The following XYLT1 variants were observed in gnomAD, a reference collection of about 807,000 sequenced individuals.
The protein encoded by XYLT1 is xylosyltransferase 1, also known as beta-D-xylosyltransferase 1.
XYLT1 carries 36 observed loss-of-function variants against 91.3 expected under a neutral mutation model. The observed-to-expected ratio is 0.39, with a 90% CI of 0.30 to 0.52. The LOEUF (loss-of-function observed/expected upper bound fraction) is 0.52. XYLT1 is among the 20% of genes least tolerant of loss of function. The probability of loss-of-function intolerance (pLI) is 0.68; values close to 1 mark genes in which losing one functional copy is unlikely to be tolerated. For synonymous variants in XYLT1, 588 were observed against 532.0 expected, an observed-to-expected ratio of 1.11 and a Z score of -1.45; for missense variants, 1,242 against 1,284.5, an observed-to-expected ratio of 0.97 and a Z score of 0.51.
intron 6 of XYLT1, among the ~76,000 whole-genome samples, chr16:17,153,265 C>T (rs1449442574): frequency 2.6e-5 from 4 of 152,166 alleles, no homozygotes; most frequent in African/African-American, 9.7e-5. Context: ...AAAACTGATA[C>T]ACAGGTAACT....
intron 1 of XYLT1, among the ~76,000 whole-genome samples, chr16:17,436,556 C>A (rs1486931225): frequency 6.6e-6 from 1 of 152,184 alleles, no homozygotes; most frequent in African/African-American, 2.4e-5. Flanking sequence ...CTACTGCAAT[C>A]ACATTCAGCT....
chr16:17,204,751 G>A (rs2032609484), intron 3 of XYLT1, among the ~76,000 whole-genome samples: 1 of 152,172 alleles, frequency 6.6e-6, no homozygotes, highest in African/African-American at 2.4e-5. Context: ...TAGCTGAGCT[G>A]AGAATGGAGT....
chr16:17,129,807 T>C (rs2030403832), intron 9 of XYLT1, among the ~76,000 whole-genome samples: 1 of 152,182 alleles, frequency 6.6e-6, no homozygotes, highest in African/African-American at 2.4e-5. Flanking sequence ...ACAGCAAAGA[T>C]AGTCATGAAA....
intron 1 of XYLT1, 21 bp from the exon 2 acceptor site, chr16:17,358,071 A>AG: frequency 6.2e-7 from 1 of 1,612,386 alleles, no homozygotes; most frequent in Non-Finnish European, 8.5e-7. Context: ...AAAGGAGAAA[A>AG]TGCACGTGAG....
intron 3 of XYLT1, among the ~76,000 whole-genome samples, chr16:17,236,758 A>G (rs909487203): frequency 6.6e-6 from 1 of 152,130 alleles, no homozygotes; most frequent in Non-Finnish European, 1.5e-5. Context: ...ACCTGTCTTT[A>G]CGTCCATGTT....
At chr16:17,232,120 ATAT>A (rs2033165851) in intron 3 of XYLT1, among the ~76,000 whole-genome samples, 1 of 145,080 alleles carries the variant, frequency 6.9e-6, no homozygotes, top group African/African-American at 2.5e-5. Flanking sequence ...ATAATTATAT[ATAT>A]TATAATATAT....
intron 1 of XYLT1, among the ~76,000 whole-genome samples, chr16:17,395,767 A>T (rs1354212402): frequency 6.6e-6 from 1 of 152,216 alleles, no homozygotes; most frequent in African/African-American, 2.4e-5. Flanking sequence ...GAAATCTGTG[A>T]AGGGCTTTTC....
At chr16:17,213,488 A>C (rs943301661) in intron 3 of XYLT1, among the ~76,000 whole-genome samples, 1 of 152,196 alleles carries the variant, frequency 6.6e-6, no homozygotes, top group Non-Finnish European at 1.5e-5. Flanking sequence ...TAAGGAAATA[A>C]AGACTCTGAG....
At chr16:17,211,824 G>C (rs770008420) in intron 3 of XYLT1, among the ~76,000 whole-genome samples, 6 of 152,164 alleles carry the variant, frequency 3.9e-5, no homozygotes, top group Non-Finnish European at 4.4e-5. Context: ...GTCTCCCCTA[G>C]AGCAAGATTT....
At chr16:17,433,268 C>T (rs1567201440) in intron 1 of XYLT1, among the ~76,000 whole-genome samples, 1 of 152,176 alleles carries the variant, frequency 6.6e-6, no homozygotes, top group Admixed American at 6.5e-5. Flanking sequence ...TGAGGTCACA[C>T]TCTGATGGCA....
At chr16:17,203,267 T>C (rs369980794) in intron 3 of XYLT1, among the ~76,000 whole-genome samples, 9 of 152,350 alleles carry the variant, frequency 5.9e-5, no homozygotes, top group East Asian at 1.9e-4. Flanking sequence ...AGGACTAACA[T>C]AGGTATTCCA....
At position 17,391,605 on chromosome 16, in the gene XYLT1, T is replaced by TA. The variant is rs1483459615; in HGVS notation, c.364-33556dup. On this transcript the variant is annotated intron_variant, in intron 1 of 11. Coordinates refer to ENST00000261381, the MANE Select transcript of XYLT1 (RefSeq NM_022166.4). ...CTTCTGACCTTGACCACCACTATGCTAACCCAAGTCCCAGTCATCTTGGAT... is the reference window on the plus strand; with the variant it reads ...CTTCTGACCTTGACCACCACTATGCTAAACCCAAGTCCCAGTCATCTTGGAT... 2.6e-5 allele frequency among the ~76,000 whole-genome samples: 4 copies of TA among 152,212 alleles called. No individual in the cohort carries two copies. In the South Asian group the frequency reaches 8.3e-4, roughly 31 times the overall value.
intron 1 of XYLT1, among the ~76,000 whole-genome samples, chr16:17,391,083 C>A (rs1230739715): frequency 6.6e-6 from 1 of 152,102 alleles, no homozygotes; most frequent in Non-Finnish European, 1.5e-5. Context: ...CTGAATTCTG[C>A]TAGTGTAAAG....
chr16:17,385,448 G>A (rs1172531770), intron 1 of XYLT1, among the ~76,000 whole-genome samples: 1 of 151,726 alleles, frequency 6.6e-6, no homozygotes, highest in Non-Finnish European at 1.5e-5. Flanking sequence ...TCTGTTTCCA[G>A]CTACTTGTCT....
At position 17,470,601 on chromosome 16, in the gene XYLT1, C is replaced by A; in HGVS notation, c.196G>T (p.Glu66Ter). 1 of 1,163,356 alleles carries A rather than the reference C, an allele frequency of 8.6e-7. No homozygotes were observed. Among genetic ancestry groups the A allele is most frequent in the Non-Finnish European group, 1.1e-6 (1 of 945,442 alleles). The allele number at this position is 1,163,356 out of a possible 1,614,324, so 72.1% of individuals were successfully genotyped here. Residue 66 changes from glutamate (E) to a stop codon, truncating the protein, a stop_gained, in exon 1 of 12, where the codon GAG becomes TAG. Coordinates refer to ENST00000261381, the MANE Select transcript of XYLT1 (RefSeq NM_022166.4). LOFTEE classifies it high-confidence loss of function. ...QPPPAPAPRR[E>*]RRDLPAEPAA... is the part of the protein sequence containing the mutation. ...GGCTCGGCGGGCAGGTCCCGGCGCT[C>A]CCGGCGCGGGGCCGGGGCCGGGGGC...
chr16:17,357,905 A>C, intron 2 of XYLT1, 107 bp downstream of exon 2: 1 of 1,209,380 alleles, frequency 8.3e-7, no homozygotes, highest in Non-Finnish European at 1.2e-6. Context: ...AAATGGGACC[A>C]GGGGCAGCCA....
At chr16:17,379,280 A>C (rs1279450692) in intron 1 of XYLT1, among the ~76,000 whole-genome samples, 5 of 152,194 alleles carry the variant, frequency 3.3e-5, no homozygotes, top group Admixed American at 2.0e-4. Flanking sequence ...ATATAGAAGA[A>C]AAGACTCAGG....
chr16:17,442,605 G>A (rs1453633461), intron 1 of XYLT1, among the ~76,000 whole-genome samples: 1 of 152,112 alleles, frequency 6.6e-6, no homozygotes, highest in East Asian at 1.9e-4. Context: ...AGACCCTGGA[G>A]GTTCCACAGC....
At chr16:17,462,465 A>G (rs1208907993) in intron 1 of XYLT1, among the ~76,000 whole-genome samples, 1 of 152,164 alleles carries the variant, frequency 6.6e-6, no homozygotes, top group Non-Finnish European at 1.5e-5. Context: ...GGGCAACCGA[A>G]CCCAGAGAGC....
Sources: gnomAD v4.1 joint callset for allele counts (sites outside exome capture counted in the v4.1 genomes callset) on GRCh38, gnomAD v4.1.1 for gene constraint, MANE v1.5 for transcripts, NCBI Gene and HGNC (gene_info 2026-07-23, HGNC 2026-07-21) for gene names.